The following FCRL4 variants were observed in gnomAD, a reference collection of about 807,000 sequenced individuals.
FCRL4 encodes Fc receptor like 4.
FCRL4 carries 43 observed loss-of-function variants against 64.1 expected under a neutral mutation model. The observed-to-expected ratio is 0.67, with a 90% CI of 0.53 to 0.87. The LOEUF is 0.87. Among genes scored for constraint, FCRL4 ranks in the 40% least tolerant of loss-of-function variants. FCRL4 has a pLI of 0.00. For synonymous variants in FCRL4, 253 were observed against 239.8 expected (o/e 1.05, Z -0.51); for missense variants, 656 against 613.5 (o/e 1.07, Z -0.73).
At chr1:157,577,455 G>A (rs904201726) in intron 10 of FCRL4, among the ~76,000 whole-genome samples, 7 of 152,180 alleles carry the variant, frequency 4.6e-5, no homozygotes, top group East Asian at 1.9e-4. Context: ...TGGCCAAAAC[G>A]GACTAACAGG....
chr1:157,586,598 A>AAT, intron 5 of FCRL4, 143 bp from the exon 6 acceptor site: 2 of 681,790 alleles, frequency 2.9e-6, no homozygotes, highest in Non-Finnish European at 4.9e-6. Context: ...AATAGACCAC[A>AAT]GATTTAGCGC....
At chr1:157,584,238 G>A (rs1183619888) in intron 6 of FCRL4, among the ~76,000 whole-genome samples, 1 of 152,130 alleles carries the variant, frequency 6.6e-6, no homozygotes, top group Non-Finnish European at 1.5e-5. Context: ...GGAGTCTTTC[G>A]AGGGAGCCCT....
intron 10 of FCRL4, among the ~76,000 whole-genome samples, chr1:157,577,129 T>C (rs1209382067): frequency 6.6e-6 from 1 of 152,194 alleles, no homozygotes; most frequent in Non-Finnish European, 1.5e-5. Context: ...GCGATGTCTT[T>C]AGAAAGATGG....
chr1:157,588,218 A>G (rs935097364), intron 3 of FCRL4, 99 bp from the exon 4 acceptor site: 2 of 1,407,590 alleles, frequency 1.4e-6, no homozygotes, highest in Non-Finnish European at 1.9e-6. Context: ...TCTTTCTTCC[A>G]CAGGATGTAG....
intron 2 of FCRL4, among the ~76,000 whole-genome samples, chr1:157,591,267 T>A (rs1652834216): frequency 6.6e-6 from 1 of 152,166 alleles, no homozygotes; most frequent in South Asian, 2.1e-4. Flanking sequence ...GTTGGTTTGG[T>A]CTTTAGGTGG....
Position 157,578,594 on chromosome 1 carries a change from C to T in FCRL4, c.1361-52G>A, listed in dbSNP as rs535236703. ...TGTTCCTGTTAGTATTAAAGTGCTA[C>T]AGATGCCTCTTCCTAAGCATCATCT... On this transcript the variant is annotated intron_variant, in intron 9 of 11. Transcript: ENST00000271532. 6.0e-5 allele frequency: 89 copies of T among 1,480,542 alleles called. No homozygotes were observed. The South Asian group carries it at 9.5e-4, about 16-fold the overall frequency. 91.7% of individuals were successfully genotyped at this position (1,480,542 alleles called of 1,614,324 possible).
chr1:157,594,448 C>T (rs1006691210), intron 2 of FCRL4, among the ~76,000 whole-genome samples: 1 of 152,182 alleles, frequency 6.6e-6, no homozygotes, highest in Non-Finnish European at 1.5e-5. Flanking sequence ...TGGCAGCTAC[C>T]ACATTTTGAA....
At chr1:157,587,670 C>T in intron 4 of FCRL4, 110 bp from the exon 5 acceptor site, 1 of 1,250,908 alleles carries the variant, frequency 8.0e-7, no homozygotes, top group Non-Finnish European at 1.1e-6. Flanking sequence ...GCAAGACAAA[C>T]TTATCAAGCC....
rs371253687 is a variant in FCRL4 at position 157,581,611 on chromosome 1, G to A, written c.1169C>T (p.Ala390Val). The change falls in exon 7 of 12, where the codon GCG (alanine) becomes GTG (valine). Residue 390 changes from alanine to valine, a missense_variant. Physicochemically the swap from Ala to Val is moderately conservative, Grantham distance 64. Coordinates refer to ENST00000271532, the MANE Select transcript of FCRL4 (RefSeq NM_031282.3). ...ACTGAGCAGCCCTCCAGTGGCTCCC[G>A]CGGCGACAAGGCCATCTCTGTTGCC... Reference protein sequence around the residue: ...TPGNRDGLVAAGATGGLLSAL... With the variant: ...TPGNRDGLVAVGATGGLLSAL... 9.9e-6 allele frequency: 16 copies of A among 1,613,864 alleles called. No individual in the cohort carries two copies. The highest frequency in any genetic ancestry group is 8.0e-5 in the African/African-American group (6 of 74,926).
intron 6 of FCRL4, among the ~76,000 whole-genome samples, chr1:157,582,993 C>G (rs918927093): frequency 2.0e-5 from 3 of 152,180 alleles, no homozygotes; most frequent in African/African-American, 7.2e-5. Flanking sequence ...TCCTGGTAAC[C>G]CTATTTCCTA....
Position 157,598,000 on chromosome 1 carries a change from C to T in FCRL4, c.-56G>A. ...TCTGAGGAGACAAGCCAGGTCAGCC[C>T]AGATTGCCAAAGCAGCACTTGCCTA... On this transcript the variant is annotated 5_prime_UTR_variant, in exon 1 of 12. Transcript: ENST00000271532. 6 of 1,455,110 alleles carry T rather than the reference C, an allele frequency of 4.1e-6. No homozygotes were observed. The highest frequency in any genetic ancestry group is 5.8e-6 in the Non-Finnish European group (6 of 1,039,070). The allele number at this position is 1,455,110 out of a possible 1,614,324, so 90.1% of individuals were successfully genotyped here.
intron 7 of FCRL4, 145 bp from the exon 8 acceptor site, chr1:157,580,493 GA>G (rs1158905407): frequency 7.4e-6 from 6 of 808,452 alleles, no homozygotes; most frequent in African/African-American, 3.4e-5. Context: ...AAAATGAGGT[GA>G]AAAAAAGATT....
At chr1:157,578,076 T>C (rs1652455408) in intron 10 of FCRL4, among the ~76,000 whole-genome samples, 1 of 152,180 alleles carries the variant, frequency 6.6e-6, no homozygotes, top group Non-Finnish European at 1.5e-5. Context: ...TTCTAGCACT[T>C]AATTAAAATG....
rs1197891404 is a variant in FCRL4, at chr1:157,578,549, A to G, written c.1361-7T>C. Reference sequence around the variant, plus strand: ...TCTCCCTTTTTGGGGTGTACTGGAAAGAAAAGACATTTTCAAGGCTGTTCC... The same window carrying G: ...TCTCCCTTTTTGGGGTGTACTGGAAGGAAAAGACATTTTCAAGGCTGTTCC... On this transcript the variant is annotated splice_region_variant and splice_polypyrimidine_tract_variant and intron_variant, in intron 9 of 11. Coordinates refer to ENST00000271532, the MANE Select transcript of FCRL4 (RefSeq NM_031282.3). 1 of 1,612,718 alleles carries G rather than the reference A, an allele frequency of 6.2e-7. No homozygotes were observed. The highest frequency in any genetic ancestry group is 2.2e-5 in the East Asian group (1 of 44,890).
At chr1:157,596,708 C>G (rs748895523) in intron 1 of FCRL4, among the ~76,000 whole-genome samples, 12 of 152,170 alleles carry the variant, frequency 7.9e-5, no homozygotes, top group Non-Finnish European at 1.2e-4. Flanking sequence ...GGGGCTGCTG[C>G]TGATTCCTCT....
chr1:157,581,779 G>C lies in FCRL4; in HGVS notation c.1136-135C>G, dbSNP rs916164790. The C allele has an allele frequency of 1.0e-5, 7 of 668,768 alleles. 1 individual carries two copies. In the African/African-American group the frequency reaches 1.1e-4, roughly 10 times the overall value. The allele number at this position is 668,768 out of a possible 1,614,324, so 41.4% of individuals were successfully genotyped here. ...GACTAGGTCTCATAAAGACATCTTG[G>C]GCCAGGTTTTGGCCAGAAAAGCTCA... On this transcript the variant is annotated intron_variant, in intron 6 of 11. Coordinates refer to ENST00000271532, the MANE Select transcript of FCRL4 (RefSeq NM_031282.3).
intron 2 of FCRL4, among the ~76,000 whole-genome samples, chr1:157,594,379 C>T (rs1385529177): frequency 6.6e-6 from 1 of 152,216 alleles, no homozygotes; most frequent in Non-Finnish European, 1.5e-5. Flanking sequence ...CCCTTCTCCA[C>T]CTGTCTCCCT....
chr1:157,574,902 C>A lies in FCRL4; in HGVS notation c.*622G>T, dbSNP rs998879981. Reference sequence around the variant, plus strand: ...TTATCATTTGCTTTTGGAAGCGCAGCCTAGAGCTTGCATCTCCAGCTCTTC... The same window carrying A: ...TTATCATTTGCTTTTGGAAGCGCAGACTAGAGCTTGCATCTCCAGCTCTTC... On this transcript the variant is annotated 3_prime_UTR_variant, in exon 12 of 12. Transcript: ENST00000271532. The A allele has an allele frequency of 6.1e-5, 13 of 212,886 alleles. No homozygotes were observed. The highest frequency in any genetic ancestry group is 2.5e-4 in the African/African-American group (11 of 44,268). 13.2% of individuals were successfully genotyped at this position (212,886 alleles called of 1,614,324 possible). A position where few individuals can be genotyped will look rare whatever the true frequency, so the allele number is the denominator to read the frequency against.
chr1:157,589,302 G>T lies in FCRL4; in HGVS notation c.209C>A (p.Thr70Asn). 1 of 1,614,184 alleles carries T rather than the reference G, an allele frequency of 6.2e-7. No homozygotes were observed. ...RHYWGEKLTL[T>N]PGNTLEVRES... is the part of the protein sequence containing the mutation. ...CCGAACCTCGAGGGTGTTTCCTGGG[G>T]TCAGGGTCAACTTTTCTCCCCAGTA... The change falls in exon 3 of 12, where the codon ACC becomes AAC. Residue 70 changes from threonine to asparagine, a missense_variant. Transcript: ENST00000271532.
Sources: gnomAD v4.1 joint callset for allele counts (sites outside exome capture counted in the v4.1 genomes callset) on GRCh38, gnomAD v4.1.1 for gene constraint, MANE v1.5 for transcripts, NCBI Gene and HGNC (gene_info 2026-07-23, HGNC 2026-07-21) for gene names.